Variants in CTNNAL1 observed in about 807,000 individuals in gnomAD.
CTNNAL1 encodes the protein alpha-catulin.
A neutral mutation model predicts 93.6 loss-of-function variants in CTNNAL1; 69 were observed. The ratio of observed to expected loss-of-function variants is 0.74; its 90% CI spans 0.61 to 0.90. The LOEUF (loss-of-function observed/expected upper bound fraction) is 0.90, where lower values mean the gene tolerates loss of function less well. CTNNAL1 is among the 40% of genes least tolerant of loss of function. The pLI is 0.00. For synonymous variants in CTNNAL1, 286 were observed against 305.4 expected, an observed-to-expected ratio of 0.94 and a Z score of 0.66; for missense variants, 836 against 862.0, an observed-to-expected ratio of 0.97 and a Z score of 0.38.
At chr9:108,985,475 G>T (rs1587973865) in intron 4 of CTNNAL1, among the ~76,000 whole-genome samples, 2 of 152,168 alleles carry the variant, frequency 1.3e-5, no homozygotes, top group Admixed American at 1.3e-4. Flanking sequence ...AAGTAAATTT[G>T]CTTGAATAAA....
intron 1 of CTNNAL1, among the ~76,000 whole-genome samples, chr9:109,012,495 C>T (rs906837441): frequency 6.6e-6 from 1 of 152,150 alleles, no homozygotes; most frequent in African/African-American, 2.4e-5. Flanking sequence ...TACCACAGAC[C>T]TAAGTGAGGA....
intron 2 of CTNNAL1, among the ~76,000 whole-genome samples, chr9:108,993,674 G>A (rs1282549406): frequency 6.6e-6 from 1 of 152,048 alleles, no homozygotes; most frequent in Non-Finnish European, 1.5e-5. Context: ...ATAATACAAG[G>A]CTACAATATT....
chr9:108,953,823 C>G (rs554390881), intron 12 of CTNNAL1, among the ~76,000 whole-genome samples: 28 of 152,018 alleles, frequency 1.8e-4, no homozygotes, highest in Non-Finnish European at 2.9e-5. Flanking sequence ...TGCACACACA[C>G]AGAGAGAAAG....
rs182465056 is a variant in CTNNAL1 at position 109,000,453 on chromosome 9, C to T, written c.142-1197G>A. Among the ~76,000 whole-genome samples, 310 of 152,252 alleles carry T rather than the reference C, an allele frequency of 2.0e-3. 1 individual carries two copies. Among genetic ancestry groups the T allele is most frequent in the Admixed American group, 3.6e-3 (55 of 15,302 alleles). On this transcript the variant is annotated intron_variant, in intron 1 of 18. Coordinates refer to ENST00000325551, the MANE Select transcript of CTNNAL1 (RefSeq NM_003798.4). ...AAAGCCCACGTTCCCATGGGGCTTA[C>T]ATTCTAGTGAAGGAGTGGGGGAGAA... is the stretch of plus-strand genomic sequence containing the variant.
At chr9:109,000,283 A>G (rs1317100750) in intron 1 of CTNNAL1, among the ~76,000 whole-genome samples, 2 of 152,210 alleles carry the variant, frequency 1.3e-5, no homozygotes, top group Non-Finnish European at 2.9e-5. Flanking sequence ...TGTATCAGTG[A>G]ATGAGACTAA....
At chr9:108,979,054 G>A (rs1831344952) in intron 7 of CTNNAL1, among the ~76,000 whole-genome samples, 1 of 152,100 alleles carries the variant, frequency 6.6e-6, no homozygotes, top group Non-Finnish European at 1.5e-5. Context: ...ATATAATTGA[G>A]ACTGGCTAGA....
At position 108,948,209 on chromosome 9, in the gene CTNNAL1, G is replaced by A. The variant is rs1830461219; in HGVS notation, c.1861C>T (p.Gln621Ter). ...TRGEGPLKTSQDLIHQLEVFA... is the reference protein window; with the variant it reads ...TRGEGPLKTS Reference sequence around the variant, plus strand: ...ACCTCTAGTTGATGAATTAAATCCTGGGAAGTTTTCAGTGGCCCCTCTCCT... The same window carrying A: ...ACCTCTAGTTGATGAATTAAATCCTAGGAAGTTTTCAGTGGCCCCTCTCCT... The change falls in exon 15 of 19, where the codon CAG becomes TAG. Residue 621 changes from glutamine to a stop codon, truncating the protein, a stop_gained. Transcript: ENST00000325551. LOFTEE classifies it high-confidence loss of function. The A allele has an allele frequency of 6.2e-7, 1 of 1,611,888 alleles. No homozygotes were observed. The highest frequency in any genetic ancestry group is 1.3e-5 in the African/African-American group (1 of 74,842).
At chr9:108,949,956 G>A (rs1189049496) in intron 14 of CTNNAL1, among the ~76,000 whole-genome samples, 1 of 151,124 alleles carries the variant, frequency 6.6e-6, no homozygotes, top group Non-Finnish European at 1.5e-5. Flanking sequence ...CTCAGGAGGC[G>A]GAGGTTGCAG....
chr9:108,950,021 C>T (rs1249265144), intron 14 of CTNNAL1, among the ~76,000 whole-genome samples: 4 of 119,208 alleles, frequency 3.4e-5, no homozygotes, highest in Non-Finnish European at 5.0e-5. Flanking sequence ...AAGGCTACAT[C>T]TCAAAAAAAA....
intron 14 of CTNNAL1, among the ~76,000 whole-genome samples, chr9:108,951,071 C>T (rs570622266): frequency 6.6e-5 from 10 of 151,972 alleles, no homozygotes; most frequent in African/African-American, 2.2e-4. Context: ...GTGCAAGTGG[C>T]GCGATCTCAG....
intron 11 of CTNNAL1, among the ~76,000 whole-genome samples, chr9:108,962,915 G>A (rs1401040801): frequency 6.6e-6 from 1 of 152,150 alleles, no homozygotes; most frequent in Non-Finnish European, 1.5e-5. Flanking sequence ...AGCAGAGGCA[G>A]GATTGGAACC....
At chr9:108,962,499 G>T (rs1472323260) in intron 11 of CTNNAL1, among the ~76,000 whole-genome samples, 1 of 152,142 alleles carries the variant, frequency 6.6e-6, no homozygotes, top group African/African-American at 2.4e-5. Flanking sequence ...CTTTCAGAGG[G>T]TGTCAGTTCA....
At chr9:108,981,229 C>T (rs749441819) in intron 6 of CTNNAL1, among the ~76,000 whole-genome samples, 24 of 152,224 alleles carry the variant, frequency 1.6e-4, no homozygotes, top group Non-Finnish European at 3.2e-4. Flanking sequence ...CACATCTCCT[C>T]CTTCAGCATT....
intron 15 of CTNNAL1, among the ~76,000 whole-genome samples, chr9:108,947,126 T>C (rs1830428596): frequency 6.6e-6 from 1 of 151,064 alleles, no homozygotes; most frequent in South Asian, 2.1e-4. Flanking sequence ...TTTTTTTTTT[T>C]TTTTTGAGAT....
intron 9 of CTNNAL1, 132 bp downstream of exon 9, chr9:108,972,543 G>T: frequency 1.3e-6 from 1 of 766,024 alleles, no homozygotes; most frequent in Non-Finnish European, 2.1e-6. Context: ...TACATGGTAT[G>T]CTTTTAAGAT....
Position 108,992,873 on chromosome 9 carries a change from G to C in CTNNAL1, c.332-54C>G, listed in dbSNP as rs2297582. On this transcript the variant is annotated intron_variant, in intron 2 of 18. Coordinates refer to ENST00000325551, the MANE Select transcript of CTNNAL1 (RefSeq NM_003798.4). ...AAACAGGCATACAAATTAAAATCTA[G>C]ACTTCTCTCTAACCTTGAAGGTAAG... 190 of 1,528,400 alleles carry C rather than the reference G, an allele frequency of 1.2e-4. 1 individual carries two copies. The East Asian group carries it at 4.4e-3, about 35-fold the overall frequency. 94.7% of individuals were successfully genotyped at this position (1,528,400 alleles called of 1,614,324 possible).
At chr9:108,986,730 T>G (rs1160229587) in intron 4 of CTNNAL1, among the ~76,000 whole-genome samples, 4 of 152,226 alleles carry the variant, frequency 2.6e-5, no homozygotes, top group African/African-American at 7.2e-5. Flanking sequence ...CTAACTGGTG[T>G]GAGATGGTAT....
rs576583184 is a variant in CTNNAL1, at chr9:108,973,350, T to G, written c.1189-517A>C. Among the ~76,000 whole-genome samples, 4 of 152,284 alleles carry G rather than the reference T, an allele frequency of 2.6e-5. No individual in the cohort carries two copies. The South Asian group carries it at 8.3e-4, about 32-fold the overall frequency. Reference sequence around the variant, plus strand: ...ATTAATAAGTTCTTTAGCATACTTTTGAAAAAGTACCAATGTGAGATTCAA... The same window carrying G: ...ATTAATAAGTTCTTTAGCATACTTTGGAAAAAGTACCAATGTGAGATTCAA... On this transcript the variant is annotated intron_variant, in intron 8 of 18. Coordinates refer to ENST00000325551, the MANE Select transcript of CTNNAL1 (RefSeq NM_003798.4).
chr9:108,980,100 T>C (rs4978378), intron 6 of CTNNAL1, among the ~76,000 whole-genome samples: 10,894 of 152,248 alleles, frequency 0.072, 479 homozygotes, highest in Admixed American at 0.13. Flanking sequence ...CCTCTAATAG[T>C]TCCTCGCCAT....
Sources: allele counts gnomAD v4.1 joint callset (sites outside exome capture counted in the v4.1 genomes callset), GRCh38; gene constraint gnomAD v4.1.1; transcripts MANE v1.5; gene names NCBI Gene and HGNC (gene_info 2026-07-23, HGNC 2026-07-21).